DACH2: variants seen among roughly 807,000 people sequenced by gnomAD.
DACH2 encodes the protein dachshund family transcription factor 2.
Under a neutral mutation model 35.8 loss-of-function variants are expected in DACH2, and 17 were observed. That is an observed-to-expected ratio of 0.48 (90% CI 0.33 to 0.71). The LOEUF is 0.71. Ranked by LOEUF, DACH2 falls within the 30% of genes least tolerant of loss-of-function variation. The pLI is 0.02. For synonymous variants in DACH2, 195 were observed against 177.3 expected (o/e 1.10, Z -0.79); for missense variants, 469 against 472.7 (o/e 0.99, Z 0.07).
chrX:86,292,683 A>C (rs2034331636), intron 1 of DACH2, among the ~76,000 whole-genome samples: 1 of 111,183 alleles, frequency 9.0e-6, no homozygotes, highest in African/African-American at 3.3e-5. Context: ...TTCGTTATGT[A>C]CTCAGTAGTC....
chrX:86,376,947 G>A (rs1386524286), intron 2 of DACH2, 85 bp downstream of exon 2: 1 of 458,350 alleles, frequency 2.2e-6, no homozygotes, highest in Admixed American at 3.7e-5. Flanking sequence ...TCATAATCTT[G>A]TTCCCTGTAC....
intron 2 of DACH2, among the ~76,000 whole-genome samples, chrX:86,401,641 G>T (rs2036433814): frequency 9.4e-6 from 1 of 106,880 alleles, no homozygotes; most frequent in African/African-American, 3.5e-5. Context: ...CATTATTCAT[G>T]AACATGTATC....
At chrX:86,543,932 A>G (rs1245691116) in intron 3 of DACH2, among the ~76,000 whole-genome samples, 1 of 108,642 alleles carries the variant, frequency 9.2e-6, no homozygotes, top group African/African-American at 3.3e-5. Flanking sequence ...ACATGTATAC[A>G]TATGTAACTA....
At chrX:86,293,722 T>G in intron 1 of DACH2, among the ~76,000 whole-genome samples, 1 of 111,501 alleles carries the variant, frequency 9.0e-6, no homozygotes, top group Non-Finnish European at 1.9e-5. Flanking sequence ...GCTTGAAAAT[T>G]CTTTTCTTTA....
chrX:86,160,109 T>C (rs242854), intron 1 of DACH2, among the ~76,000 whole-genome samples: 26,018 of 110,408 alleles, frequency 0.24, 4,498 homozygotes, highest in African/African-American at 0.61. Flanking sequence ...GATTTTACAA[T>C]GCATTGTTAT....
intron 7 of DACH2, among the ~76,000 whole-genome samples, chrX:86,752,387 T>C (rs1368424933): frequency 9.0e-6 from 1 of 111,560 alleles, no homozygotes; most frequent in African/African-American, 3.3e-5. Flanking sequence ...CTATTGGCCA[T>C]TTTTATGTCT....
chrX:86,434,519 A>T (rs1784658406), intron 2 of DACH2, among the ~76,000 whole-genome samples: 1 of 111,933 alleles, frequency 8.9e-6, no homozygotes, highest in African/African-American at 3.2e-5. Flanking sequence ...TAATACAAGT[A>T]AAAGTATAGA....
chrX:86,206,342 T>C (rs2032312539), intron 1 of DACH2, among the ~76,000 whole-genome samples: 1 of 111,938 alleles, frequency 8.9e-6, no homozygotes, highest in Non-Finnish European at 1.9e-5. Context: ...AGCGTTCTGT[T>C]GGCACATGGT....
intron 1 of DACH2, among the ~76,000 whole-genome samples, chrX:86,273,186 T>C (rs2033846429): frequency 8.9e-6 from 1 of 112,153 alleles, no homozygotes; most frequent in African/African-American, 3.2e-5. Flanking sequence ...AAGAACAAAA[T>C]TGTAAAAATA....
intron 2 of DACH2, among the ~76,000 whole-genome samples, chrX:86,445,380 GATAGCATTGGGAGAT>G (rs2037245922): frequency 1.7e-5 from 1 of 58,721 alleles, no homozygotes; most frequent in Admixed American, 2.2e-4. Flanking sequence ...AGGGGGGAGG[GATAGCATTGGGAGAT>G]ATACCTAATG....
At chrX:86,407,218 C>G (rs1394900746) in intron 2 of DACH2, among the ~76,000 whole-genome samples, 1 of 111,687 alleles carries the variant, frequency 9.0e-6, no homozygotes, top group Non-Finnish European at 1.9e-5. Context: ...ACATGATAAA[C>G]TTGGATTTAT....
At chrX:86,635,973 T>A (rs2040260589) in intron 3 of DACH2, among the ~76,000 whole-genome samples, 1 of 111,903 alleles carries the variant, frequency 8.9e-6, no homozygotes, top group African/African-American at 3.3e-5. Flanking sequence ...ATTGATAGAT[T>A]CAGTGCTATT....
At chrX:86,779,739 A>G (rs968709999) in intron 7 of DACH2, among the ~76,000 whole-genome samples, 13 of 111,891 alleles carry the variant, frequency 1.2e-4, no homozygotes, top group African/African-American at 4.2e-4. Flanking sequence ...GTAGAGACAA[A>G]ACAGTTTACT....
At position 86,672,134 on chromosome X, in the gene DACH2, C is replaced by G. The variant is rs776109292; in HGVS notation, c.772+20967C>G. Among the ~76,000 whole-genome samples, 17 of 111,944 alleles carry G rather than the reference C, an allele frequency of 1.5e-4. No homozygotes were observed. In the East Asian group the frequency reaches 4.2e-3, roughly 28 times the overall value. ...CAGAAGAAATTTCTAAGCAGTAAAG[C>G]ATTCAAGAATTAGCCTAGCTGCTTC... On this transcript the variant is annotated intron_variant, in intron 4 of 11. Transcript: ENST00000373125.
chrX:86,344,499 G>A (rs2035466924), intron 1 of DACH2, among the ~76,000 whole-genome samples: 1 of 109,929 alleles, frequency 9.1e-6, no homozygotes, highest in South Asian at 3.8e-4. Flanking sequence ...ATATCAACAA[G>A]AACTATCAAC....
At chrX:86,824,883 G>A (rs2042548517) in intron 11 of DACH2, among the ~76,000 whole-genome samples, 1 of 111,759 alleles carries the variant, frequency 8.9e-6, no homozygotes, top group Non-Finnish European at 1.9e-5. Flanking sequence ...AATGTTGGAT[G>A]TCATCATTTT....
chrX:86,193,407 A>C (rs995351965), intron 1 of DACH2, among the ~76,000 whole-genome samples: 9 of 111,906 alleles, frequency 8.0e-5, no homozygotes, highest in African/African-American at 2.9e-4. Context: ...CAAGGGCATT[A>C]TTCTGAAGGG....
intron 1 of DACH2, among the ~76,000 whole-genome samples, chrX:86,326,214 C>T (rs1480366410): frequency 1.8e-5 from 2 of 110,675 alleles, no homozygotes; most frequent in Admixed American, 9.7e-5. Context: ...CGGTGGCTCA[C>T]GCCTGTGATC....
chrX:86,254,780 A>AT (rs58927161), intron 1 of DACH2, among the ~76,000 whole-genome samples: 9,538 of 40,443 alleles, frequency 0.24, 1,507 homozygotes, highest in South Asian at 0.4. Flanking sequence ...TCAAATAAAT[A>AT]AATATATATA....
Sources: allele counts gnomAD v4.1 joint callset (sites outside exome capture counted in the v4.1 genomes callset), GRCh38; gene constraint gnomAD v4.1.1; transcripts MANE v1.5; gene names NCBI Gene and HGNC (gene_info 2026-07-23, HGNC 2026-07-21).